The following DEPTOR variants were observed in gnomAD, a reference collection of about 807,000 sequenced individuals.
The protein encoded by DEPTOR is DEP domain-containing mTOR-interacting protein.
In DEPTOR, 41 loss-of-function variants were observed where a neutral mutation model predicts 41.6. The observed-to-expected ratio is 0.98, with a 90% confidence interval of 0.77 to 1.28. The LOEUF is 1.28. Among genes scored for constraint, DEPTOR ranks in the 50% most tolerant of loss-of-function variants. The probability of loss-of-function intolerance (pLI) is 0.00; values close to 1 mark genes in which losing one functional copy is unlikely to be tolerated. For synonymous variants in DEPTOR, 195 were observed against 192.3 expected, an observed-to-expected ratio of 1.01 and a Z score of -0.12; for missense variants, 514 against 527.9, an observed-to-expected ratio of 0.97 and a Z score of 0.26.
intron 4 of DEPTOR, among the ~76,000 whole-genome samples, chr8:119,986,305 A>G (rs1301980264): frequency 6.6e-6 from 1 of 152,166 alleles, no homozygotes; most frequent in Non-Finnish European, 1.5e-5. Context: ...TGGCCTGCAT[A>G]TGAAATTCTG....
At chr8:120,049,234 C>CTTA (rs751319427) in intron 8 of DEPTOR, among the ~76,000 whole-genome samples, 1 of 151,786 alleles carries the variant, frequency 6.6e-6, no homozygotes, top group Non-Finnish European at 1.5e-5. Context: ...AGGTATTACT[C>CTTA]TTATTATTAT....
intron 8 of DEPTOR, among the ~76,000 whole-genome samples, chr8:120,015,999 C>T (rs1469211922): frequency 2.0e-5 from 3 of 152,112 alleles, no homozygotes; most frequent in African/African-American, 7.2e-5. Flanking sequence ...TTGTATGGAC[C>T]CAGTTTCTAA....
intron 4 of DEPTOR, among the ~76,000 whole-genome samples, chr8:119,966,774 G>A (rs1018828709): frequency 3.3e-5 from 5 of 152,136 alleles, no homozygotes; most frequent in African/African-American, 1.2e-4. Flanking sequence ...ACCATGCCGG[G>A]CCCAAGAGGC....
intron 1 of DEPTOR, among the ~76,000 whole-genome samples, chr8:119,879,259 GC>G (rs1827267595): frequency 1.3e-5 from 2 of 152,174 alleles, no homozygotes; most frequent in African/African-American, 4.8e-5. Context: ...AAATGGTACA[GC>G]CCCTTTGGAA....
intron 3 of DEPTOR, among the ~76,000 whole-genome samples, 186 bp downstream of exon 3, chr8:119,930,124 AG>A (rs1828023105): frequency 6.6e-6 from 1 of 152,220 alleles, no homozygotes; most frequent in African/African-American, 2.4e-5. Flanking sequence ...CAATTTCATA[AG>A]GTTCTTAATA....
intron 4 of DEPTOR, among the ~76,000 whole-genome samples, chr8:119,975,614 G>C (rs1828687176): frequency 6.6e-6 from 1 of 152,110 alleles, no homozygotes; most frequent in Non-Finnish European, 1.5e-5. Context: ...TGGGTATCAA[G>C]GGTGAGGGAT....
At chr8:119,925,813 C>T (rs1024481384) in intron 1 of DEPTOR, among the ~76,000 whole-genome samples, 4 of 152,080 alleles carry the variant, frequency 2.6e-5, no homozygotes, top group African/African-American at 9.7e-5. Flanking sequence ...GCAGTAGAGA[C>T]GGGGTTTCAC....
At chr8:119,898,905 G>A (rs1038206936) in intron 1 of DEPTOR, among the ~76,000 whole-genome samples, 3 of 152,036 alleles carry the variant, frequency 2.0e-5, no homozygotes, top group Admixed American at 2.0e-4. Context: ...TACAGAAGAT[G>A]ACATTAAAAA....
At chr8:119,928,879 C>G (rs1481759414) in intron 2 of DEPTOR, among the ~76,000 whole-genome samples, 1 of 152,010 alleles carries the variant, frequency 6.6e-6, no homozygotes, top group Non-Finnish European at 1.5e-5. Context: ...GCGTGAGCCA[C>G]TGTGTCCAGC....
intron 1 of DEPTOR, among the ~76,000 whole-genome samples, chr8:119,925,835 G>A (rs545748195): frequency 2.1e-3 from 326 of 152,278 alleles, no homozygotes; most frequent in Admixed American, 4.8e-3. Context: ...ATGTTGGCCA[G>A]GCTGGTCTCG....
chr8:119,971,745 G>A (rs889417828), intron 4 of DEPTOR, among the ~76,000 whole-genome samples: 2 of 152,176 alleles, frequency 1.3e-5, no homozygotes, highest in African/African-American at 4.8e-5. Context: ...GCATATCAAA[G>A]TGCTATATTT....
rs536731714 is a variant in DEPTOR at position 119,964,515 on chromosome 8, CAAAAAAAAAAAAAA to C, written c.426-697_426-684del. On this transcript the variant is annotated intron_variant, in intron 3 of 8. Coordinates refer to ENST00000286234, the MANE Select transcript of DEPTOR (RefSeq NM_022783.4). ...GGGCAACAAGAGTGAAAGCCCGTCT[CAAAAAAAAAAAAAA>C]AAAAAAAAAAAAAAAAAAATTAGTG... 1.6e-4 allele frequency among the ~76,000 whole-genome samples: 19 copies of C among 121,706 alleles called. 1 individual carries two copies. Among genetic ancestry groups the C allele is most frequent in the African/African-American group, 5.6e-4 (17 of 30,464 alleles). 79.8% of individuals were successfully genotyped at this position (121,706 alleles called of 152,430 possible).
intron 1 of DEPTOR, among the ~76,000 whole-genome samples, chr8:119,916,207 C>A (rs1331111656): frequency 6.6e-6 from 1 of 150,672 alleles, no homozygotes; most frequent in Non-Finnish European, 1.5e-5. Flanking sequence ...TCAAGTGATT[C>A]TCCTGCCTTA....
At chr8:119,960,875 T>G (rs929190929) in intron 3 of DEPTOR, among the ~76,000 whole-genome samples, 3 of 151,852 alleles carry the variant, frequency 2.0e-5, no homozygotes, top group African/African-American at 7.3e-5. Context: ...TCCCAGCTAC[T>G]TGGGAGGCTA....
At chr8:119,940,254 A>G (rs1386549817) in intron 3 of DEPTOR, among the ~76,000 whole-genome samples, 2 of 152,062 alleles carry the variant, frequency 1.3e-5, no homozygotes, top group Admixed American at 6.6e-5. Flanking sequence ...ACATGTAATT[A>G]CCATGATCCA....
chr8:120,023,893 T>C (rs1358306080), intron 8 of DEPTOR, among the ~76,000 whole-genome samples: 1 of 151,916 alleles, frequency 6.6e-6, no homozygotes, highest in African/African-American at 2.4e-5. Context: ...GTTTGCATTC[T>C]AGCCACCCAG....
intron 4 of DEPTOR, among the ~76,000 whole-genome samples, chr8:119,971,521 T>A (rs1828633722): frequency 6.6e-6 from 1 of 152,174 alleles, no homozygotes; most frequent in East Asian, 1.9e-4. Context: ...ACCAGGTTTG[T>A]CCACAGACTT....
At chr8:119,958,888 A>G (rs6992265) in intron 3 of DEPTOR, among the ~76,000 whole-genome samples, 1 of 152,206 alleles carries the variant, frequency 6.6e-6, no homozygotes, top group Non-Finnish European at 1.5e-5. Flanking sequence ...AAATGGACTC[A>G]GCATCTGGAT....
intron 3 of DEPTOR, among the ~76,000 whole-genome samples, chr8:119,958,896 G>A (rs764674157): frequency 6.6e-6 from 1 of 152,164 alleles, no homozygotes; most frequent in Non-Finnish European, 1.5e-5. Flanking sequence ...TCAGCATCTG[G>A]ATGGGAGAAG....
Sources: gnomAD v4.1 joint callset for allele counts (sites outside exome capture counted in the v4.1 genomes callset) on GRCh38, gnomAD v4.1.1 for gene constraint, MANE v1.5 for transcripts, NCBI Gene and HGNC (gene_info 2026-07-23, HGNC 2026-07-21) for gene names.